The following WDR46 variants were observed in gnomAD, a reference collection of about 807,000 sequenced individuals.
WDR46 encodes the protein WD repeat-containing protein 46.
A neutral mutation model predicts 74.7 loss-of-function variants in WDR46; 58 were observed. The observed-to-expected ratio is 0.78, with a 90% confidence interval of 0.63 to 0.97. The LOEUF is 0.97. Among genes scored for constraint, WDR46 ranks in the 50% least tolerant of loss-of-function variants. The probability of loss-of-function intolerance (pLI) is 0.00; values close to 1 mark genes in which losing one functional copy is unlikely to be tolerated. For synonymous variants in WDR46, 278 were observed against 297.3 expected, an observed-to-expected ratio of 0.93 and a Z score of 0.67; for missense variants, 702 against 790.1, an observed-to-expected ratio of 0.89 and a Z score of 1.34.
intron 10 of WDR46, among the ~76,000 whole-genome samples, chr6:33,285,235 C>T (rs1766510259): frequency 3.3e-5 from 5 of 151,934 alleles, no homozygotes; most frequent in Admixed American, 3.3e-4. Flanking sequence ...CCGGGTCTCA[C>T]TCTGTTGCCC....
Position 33,279,878 on chromosome 6 carries a change from G to C in WDR46, c.1525-19C>G. The C allele has an allele frequency of 6.2e-7, 1 of 1,612,982 alleles. No individual in the cohort carries two copies. Among genetic ancestry groups the C allele is most frequent in the Non-Finnish European group, 8.5e-7 (1 of 1,179,410 alleles). On this transcript the variant is annotated intron_variant, in intron 12 of 14. Transcript: ENST00000374617. Reference sequence around the variant, plus strand: ...CAGGTACCTGGGGGTGTCACAGAGGGACAGGACTCAGCAAGGAGCCACAGG... The same window carrying C: ...CAGGTACCTGGGGGTGTCACAGAGGCACAGGACTCAGCAAGGAGCCACAGG...
chr6:33,279,125 C>G lies in WDR46; in HGVS notation c.*151G>C. ...ACACATTATCCAAAAAATCGCTTTC[C>G]TCTTTAATACCAACCCACCCCAGGA... is the stretch of plus-strand genomic sequence containing the variant. On this transcript the variant is annotated 3_prime_UTR_variant, in exon 15 of 15. Coordinates refer to ENST00000374617, the MANE Select transcript of WDR46 (RefSeq NM_005452.6). 1 of 1,127,022 alleles carries G rather than the reference C, an allele frequency of 8.9e-7. No individual in the cohort carries two copies. The highest frequency in any genetic ancestry group is 1.3e-6 in the Non-Finnish European group (1 of 790,796). The allele number at this position is 1,127,022 out of a possible 1,614,324, so 69.8% of individuals were successfully genotyped here. A position where few individuals can be genotyped will look rare whatever the true frequency, so the allele number is the denominator to read the frequency against.
intron 5 of WDR46, 40 bp downstream of exon 5, chr6:33,288,108 A>G: frequency 6.2e-7 from 1 of 1,614,094 alleles, no homozygotes; most frequent in African/African-American, 1.3e-5. Context: ...GTCCTGCACC[A>G]CCAATCAATC....
chr6:33,280,406 C>T (rs1433169395), intron 12 of WDR46, 22 bp downstream of exon 12: 1 of 1,557,318 alleles, frequency 6.4e-7, no homozygotes, highest in South Asian at 1.2e-5. Context: ...GGATCTCACC[C>T]TCTCCAGCAG....
chr6:33,287,043 G>T (rs201100313), intron 9 of WDR46, 48 bp downstream of exon 9: 1 of 1,596,170 alleles, frequency 6.3e-7, no homozygotes, highest in African/African-American at 1.4e-5. Flanking sequence ...AAATATAGAA[G>T]AAAAGCAAGT....
rs757744580 is a variant in WDR46, at chr6:33,279,910, G to A, written c.1525-51C>T. 4 of 1,584,018 alleles carry A rather than the reference G, an allele frequency of 2.5e-6. No individual in the cohort carries two copies. The African/African-American group carries it at 5.4e-5, about 21-fold the overall frequency. ...CTCAGCAAGGAGCCACAGGAGGGTA[G>A]CACCAAAAAGAGAAGCCAGGGAGGC... On this transcript the variant is annotated intron_variant, in intron 12 of 14. Transcript: ENST00000374617.
Position 33,284,690 on chromosome 6 carries a change from C to G in WDR46, c.1115+2105G>C, listed in dbSNP as rs953515230. ...CCATGGGCCAAACCTGGCCCATCAT[C>G]TAGTTCTGTATAGCCCACAAGCCAA... On this transcript the variant is annotated intron_variant, in intron 10 of 14. Coordinates refer to ENST00000374617, the MANE Select transcript of WDR46 (RefSeq NM_005452.6). 4 of 153,780 alleles carry G rather than the reference C, an allele frequency of 2.6e-5. No individual in the cohort carries two copies. In the Admixed American group the frequency reaches 2.6e-4, roughly 10 times the overall value. 9.5% of individuals were successfully genotyped at this position (153,780 alleles called of 1,614,324 possible). A position where few individuals can be genotyped will look rare whatever the true frequency, so the allele number is the denominator to read the frequency against.
intron 7 of WDR46, 51 bp downstream of exon 7, chr6:33,287,563 C>T: frequency 1.2e-6 from 2 of 1,613,654 alleles, no homozygotes; most frequent in Non-Finnish European, 1.7e-6. Flanking sequence ...ATCATTCAAT[C>T]AGGAATGGAC....
intron 12 of WDR46, among the ~76,000 whole-genome samples, chr6:33,280,102 GACCCTCTCCAGGAGAGGGAATTTC>G (rs1309291359): frequency 6.1e-5 from 9 of 148,002 alleles, no homozygotes; most frequent in Admixed American, 2.0e-4. Flanking sequence ...GGGGGAACCT[GACCCTCTCCAGGAGAGGGAATTTC>G]ACCCTCTCCA....
Position 33,280,416 on chromosome 6 carries a change from G to T in WDR46, c.1524+12C>A. On this transcript the variant is annotated intron_variant, in intron 12 of 14. Transcript: ENST00000374617. ...GGGGGGGATCTCACCCTCTCCAGCA[G>T]GGGAGCCTCACCTTCTCTAGCAGGG... 1 of 1,562,690 alleles carries T rather than the reference G, an allele frequency of 6.4e-7. No individual in the cohort carries two copies. The highest frequency in any genetic ancestry group is 8.7e-7 in the Non-Finnish European group (1 of 1,152,246).
Position 33,279,780 on chromosome 6 carries a change from T to C in WDR46, c.1604A>G (p.Glu535Gly), listed in dbSNP as rs1765964362. The C allele has an allele frequency of 6.2e-7, 1 of 1,613,928 alleles. No homozygotes were observed. Among genetic ancestry groups the C allele is most frequent in the African/African-American group, 1.3e-5 (1 of 74,886 alleles). ...GCTCCATACCAGCCTCTCTATCTGC[T>C]CCTTCTTTCCCTGCTCCAGGGAGAT... ...DVISLEQGKK[E>G]QIERLGYDPQ... Residue 535 changes from glutamate (E) to glycine (G), a missense_variant, in exon 13 of 15, where the codon GAG becomes GGG. Physicochemically the swap from Glu to Gly is moderately conservative, Grantham distance 98. Coordinates refer to ENST00000374617, the MANE Select transcript of WDR46 (RefSeq NM_005452.6).
chr6:33,280,833 T>C lies in WDR46; in HGVS notation c.1270A>G (p.Asn424Asp). 1.9e-6 allele frequency: 3 copies of C among 1,614,180 alleles called. No homozygotes were observed. Among genetic ancestry groups the C allele is most frequent in the Non-Finnish European group, 2.5e-6 (3 of 1,180,018 alleles). The change falls in exon 11 of 15, where the codon AAC (asparagine) becomes GAC (aspartate). Residue 424 changes from asparagine to aspartate, a missense_variant. Coordinates refer to ENST00000374617, the MANE Select transcript of WDR46 (RefSeq NM_005452.6). ...LLVAGMGDVVNIWAGQGKASP... is the reference protein window; with the variant it reads ...LLVAGMGDVVDIWAGQGKASP... The stretch of plus-strand genomic sequence containing the variant: ...GCCTTGCCCTGCCCTGCCCAGATGT[T>C]GACAACGTCACCCATTCCCGCCACC...
intron 14 of WDR46, 29 bp from the exon 15 acceptor site, chr6:33,279,403 GCA>G (rs1765916397): frequency 1.2e-6 from 2 of 1,612,308 alleles, no homozygotes; most frequent in Non-Finnish European, 8.5e-7. Context: ...GAGGACACAG[GCA>G]CAGAGTGAGA....
rs193005112 is a variant in WDR46 at position 33,282,570 on chromosome 6, C to G, written c.1116-1583G>C. Among the ~76,000 whole-genome samples the G allele has an allele frequency of 3.7e-4, 56 of 152,302 alleles. 2 individuals carry two copies. In the East Asian group the frequency reaches 8.5e-3, roughly 23 times the overall value. On this transcript the variant is annotated intron_variant, in intron 10 of 14. Coordinates refer to ENST00000374617, the MANE Select transcript of WDR46 (RefSeq NM_005452.6). ...CAACGCAATCCAATCATAATACAAG[C>G]TACCAGAACACCTCTTAAGAAAGAT...
At chr6:33,286,300 A>AT (rs1766624985) in intron 10 of WDR46, among the ~76,000 whole-genome samples, 1 of 152,122 alleles carries the variant, frequency 6.6e-6, no homozygotes, top group Non-Finnish European at 1.5e-5. Context: ...TACAAAAATT[A>AT]GCCAGGTGTT....
Position 33,288,903 on chromosome 6 carries a change from A to AT in WDR46, c.179dup (p.Asn60LysfsTer12), listed in dbSNP as rs1402570518. 2.5e-6 allele frequency: 4 copies of AT among 1,613,792 alleles called. No individual in the cohort carries two copies. The highest frequency in any genetic ancestry group is 3.4e-6 in the Non-Finnish European group (4 of 1,179,974). Reference sequence around the variant, plus strand: ...TCCGAGACTTCTTTAAGATGTAAGCATTTTTTGGTCTCTGAGGACGGAGCT... The same window carrying AT: ...TCCGAGACTTCTTTAAGATGTAAGCATTTTTTTGGTCTCTGAGGACGGAGCT... On this transcript the variant is annotated frameshift_variant, in exon 2 of 15. Coordinates refer to ENST00000374617, the MANE Select transcript of WDR46 (RefSeq NM_005452.6). LOFTEE classifies it high-confidence loss of function.
Position 33,280,985 on chromosome 6 carries a change from T to G in WDR46, c.1118A>C (p.Tyr373Ser). Reference sequence around the variant, plus strand: ...GTGGTCTAGGCCAGAGGTGGCCATGTACCTGGTGAGAGAAGAGGGATCAAT... The same window carrying G: ...GTGGTCTAGGCCAGAGGTGGCCATGGACCTGGTGAGAGAAGAGGGATCAAT... ...RAVAVDSTGT[Y>S]MATSGLDHQL... is the part of the protein sequence containing the mutation. Residue 373 changes from tyrosine to serine, a missense_variant and splice_region_variant, in exon 11 of 15, where the codon TAC (tyrosine) becomes TCC (serine). Physicochemically the swap from Tyr to Ser is moderately radical, Grantham distance 144. Transcript: ENST00000374617. 6.2e-7 allele frequency: 1 copy of G among 1,600,094 alleles called. No homozygotes were observed. The highest frequency in any genetic ancestry group is 8.5e-7 in the Non-Finnish European group (1 of 1,171,512).
chr6:33,287,808 C>T (rs1034177556), intron 6 of WDR46, 90 bp from the exon 7 acceptor site: 3 of 1,540,594 alleles, frequency 1.9e-6, no homozygotes, highest in African/African-American at 2.7e-5. Context: ...CCCCATCTCT[C>T]CAGGCGGGCA....
At chr6:33,285,048 A>G (rs947816313) in intron 10 of WDR46, among the ~76,000 whole-genome samples, 6 of 152,182 alleles carry the variant, frequency 3.9e-5, no homozygotes, top group East Asian at 1.9e-4. Flanking sequence ...AATACTTGCA[A>G]TCTCTACAGA....
Sources: allele counts gnomAD v4.1 joint callset (sites outside exome capture counted in the v4.1 genomes callset), GRCh38; gene constraint gnomAD v4.1.1; transcripts MANE v1.5; gene names NCBI Gene and HGNC (gene_info 2026-07-23, HGNC 2026-07-21).